SLCO5A1: variants seen among roughly 807,000 people sequenced by gnomAD.
SLCO5A1 encodes the protein organic anion transporter polypeptide-related protein 4.
SLCO5A1 carries 39 observed loss-of-function variants against 65.1 expected under a neutral mutation model. That is an observed-to-expected ratio of 0.60 (90% CI 0.46 to 0.78). The LOEUF is 0.78. Ranked by LOEUF, SLCO5A1 falls within the 30% of genes least tolerant of loss-of-function variation. SLCO5A1 has a pLI of 0.00. For missense variants in SLCO5A1, 1,029 were observed against 1,069.4 expected, an observed-to-expected ratio of 0.96 and a Z score of 0.53; for synonymous variants, 438 against 415.7, an observed-to-expected ratio of 1.05 and a Z score of -0.65.
intron 5 of SLCO5A1, among the ~76,000 whole-genome samples, chr8:69,708,052 G>A (rs61561309): frequency 0.028 from 4,296 of 152,202 alleles, 213 homozygotes; most frequent in African/African-American, 0.097. Context: ...TAAAACAAAA[G>A]GGCCAAAACT....
intron 5 of SLCO5A1, among the ~76,000 whole-genome samples, chr8:69,730,491 T>G (rs1816284067): frequency 6.6e-6 from 1 of 152,178 alleles, no homozygotes; most frequent in Admixed American, 6.5e-5. Context: ...AAAACAGACC[T>G]GGAGAGAAAA....
Position 69,797,685 on chromosome 8 carries a change from G to A in SLCO5A1, c.907+34082C>T, listed in dbSNP as rs191509308. ...GGGATGAAATAAGTCCCAGTCTCCC[G>A]TAGCACTCCCAGGCTTATTAGGACA... On this transcript the variant is annotated intron_variant, in intron 2 of 9. Transcript: ENST00000260126. Among the ~76,000 whole-genome samples the A allele has an allele frequency of 1.1e-3, 169 of 152,292 alleles. 1 individual carries two copies. The Middle Eastern group carries it at 0.014, about 12-fold the overall frequency.
intron 9 of SLCO5A1, among the ~76,000 whole-genome samples, chr8:69,676,060 C>A (rs1437054516): frequency 6.6e-6 from 1 of 152,238 alleles, no homozygotes; most frequent in East Asian, 1.9e-4. Context: ...GGACACAGCA[C>A]TACTGAGCTT....
intron 6 of SLCO5A1, among the ~76,000 whole-genome samples, chr8:69,696,322 G>C (rs1442137439): frequency 6.6e-6 from 1 of 152,236 alleles, no homozygotes; most frequent in African/African-American, 2.4e-5. Context: ...ATGGGTTTAT[G>C]TGAGACAGGC....
chr8:69,689,903 G>A (rs1259488437), intron 6 of SLCO5A1, among the ~76,000 whole-genome samples: 8 of 152,058 alleles, frequency 5.3e-5, no homozygotes, highest in South Asian at 2.1e-4. Context: ...GATGGGGATG[G>A]CATTGAATCT....
chr8:69,772,617 A>AG (rs1235427832), intron 2 of SLCO5A1, among the ~76,000 whole-genome samples: 2 of 149,444 alleles, frequency 1.3e-5, no homozygotes, highest in African/African-American at 4.9e-5. Context: ...AGGAAAGGAA[A>AG]GGAAAGGAAA....
chr8:69,755,464 G>T lies in SLCO5A1; in HGVS notation c.1218C>A (p.Asp406Glu). ...CAAATCCCATCGAAGAAACTTTTTT[G>T]TCCGCTTGTTCACTGTTGTTTGATT... ...KEKSNNSEQA[D>E]KKVSSMGFGK... The change falls in exon 4 of 10, where the codon GAC (aspartate) becomes GAA (glutamate). Residue 406 changes from aspartate to glutamate, a missense_variant. Physicochemically the swap from Asp to Glu is conservative, Grantham distance 45. Transcript: ENST00000260126. 6.2e-7 allele frequency: 1 copy of T among 1,613,904 alleles called. No individual in the cohort carries two copies. Among genetic ancestry groups the T allele is most frequent in the Non-Finnish European group, 8.5e-7 (1 of 1,179,950 alleles).
chr8:69,824,339 C>T (rs982124639), intron 2 of SLCO5A1, among the ~76,000 whole-genome samples: 1 of 152,134 alleles, frequency 6.6e-6, no homozygotes, highest in African/African-American at 2.4e-5. Flanking sequence ...AATCCAGGAG[C>T]TGGTTTTTTG....
At chr8:69,714,189 A>G (rs535809393) in intron 5 of SLCO5A1, among the ~76,000 whole-genome samples, 54 of 151,548 alleles carry the variant, frequency 3.6e-4, no homozygotes, top group Non-Finnish European at 7.1e-4. Context: ...AACAAGATGT[A>G]TCATTAGAAT....
intron 2 of SLCO5A1, among the ~76,000 whole-genome samples, chr8:69,766,193 C>T (rs1235093368): frequency 1.3e-5 from 2 of 152,182 alleles, no homozygotes; most frequent in Non-Finnish European, 2.9e-5. Flanking sequence ...CAGCTGGTCT[C>T]CTGGCTTCTG....
intron 2 of SLCO5A1, among the ~76,000 whole-genome samples, chr8:69,783,234 G>A (rs1563721750): frequency 6.6e-6 from 1 of 152,024 alleles, no homozygotes; most frequent in East Asian, 1.9e-4. Context: ...TAGAAAGAAT[G>A]AATAAGACCT....
At chr8:69,784,328 A>G (rs1304953627) in intron 2 of SLCO5A1, among the ~76,000 whole-genome samples, 1 of 152,216 alleles carries the variant, frequency 6.6e-6, no homozygotes, top group Non-Finnish European at 1.5e-5. Flanking sequence ...GATAAGTGCA[A>G]ATAAAAGCAA....
At chr8:69,710,754 C>A (rs1489453517) in intron 5 of SLCO5A1, among the ~76,000 whole-genome samples, 1 of 152,098 alleles carries the variant, frequency 6.6e-6, no homozygotes, top group Non-Finnish European at 1.5e-5. Context: ...ATTAGGCTCT[C>A]AAAAATAGAA....
intron 2 of SLCO5A1, among the ~76,000 whole-genome samples, chr8:69,779,136 C>T (rs528321591): frequency 1.3e-5 from 2 of 152,232 alleles, no homozygotes; most frequent in South Asian, 4.1e-4. Flanking sequence ...AAAAAGTTTG[C>T]CGGCCCTTAT....
chr8:69,783,218 A>G (rs567508067), intron 2 of SLCO5A1, among the ~76,000 whole-genome samples: 1 of 152,282 alleles, frequency 6.6e-6, no homozygotes, highest in East Asian at 1.9e-4. Flanking sequence ...TGGGTACAAA[A>G]AAATATAGAA....
At chr8:69,715,980 C>A (rs1292170596) in intron 5 of SLCO5A1, among the ~76,000 whole-genome samples, 1 of 152,160 alleles carries the variant, frequency 6.6e-6, no homozygotes, top group Non-Finnish European at 1.5e-5. Context: ...ACACCCAGCC[C>A]TCCCTTGCCC....
intron 9 of SLCO5A1, 59 bp downstream of exon 9, chr8:69,676,550 G>A: frequency 6.8e-7 from 1 of 1,465,112 alleles, no homozygotes; most frequent in Non-Finnish European, 9.5e-7. Context: ...AAAGGACAGT[G>A]AAAATTTGCC....
intron 5 of SLCO5A1, among the ~76,000 whole-genome samples, chr8:69,721,524 C>G (rs1315304182): frequency 6.6e-6 from 1 of 152,090 alleles, no homozygotes; most frequent in Non-Finnish European, 1.5e-5. Flanking sequence ...ATTCTAAATC[C>G]AATGCTTTTT....
chr8:69,694,392 G>A (rs1023634568), intron 6 of SLCO5A1, among the ~76,000 whole-genome samples: 9 of 152,168 alleles, frequency 5.9e-5, no homozygotes, highest in Non-Finnish European at 1.2e-4. Flanking sequence ...AACCAAACAT[G>A]TACCTTACAA....
Sources: gnomAD v4.1 joint callset for allele counts (sites outside exome capture counted in the v4.1 genomes callset) on GRCh38, gnomAD v4.1.1 for gene constraint, MANE v1.5 for transcripts, NCBI Gene and HGNC (gene_info 2026-07-23, HGNC 2026-07-21) for gene names.